The following NADSYN1 variants were observed in gnomAD, a reference collection of about 807,000 sequenced individuals.
The protein encoded by NADSYN1 is NAD synthetase 1.
NADSYN1 carries 80 observed loss-of-function variants against 99.3 expected under a neutral mutation model. That is an observed-to-expected ratio of 0.81 (90% CI 0.67 to 0.97). The LOEUF is 0.97. Among genes scored for constraint, NADSYN1 ranks in the 50% least tolerant of loss-of-function variants. The pLI is 0.00. For missense variants in NADSYN1, 859 were observed against 948.5 expected (o/e 0.91, Z 1.24); for synonymous variants, 385 against 372.1 (o/e 1.03, Z -0.40).
intron 5 of NADSYN1, among the ~76,000 whole-genome samples, chr11:71,470,815 C>T (rs57615441): frequency 0.023 from 3,468 of 152,214 alleles, 101 homozygotes; most frequent in African/African-American, 0.071. Flanking sequence ...TCAGGAACCT[C>T]GATGGCTGGC....
chr11:71,491,427 C>T (rs1378059043), intron 17 of NADSYN1, among the ~76,000 whole-genome samples: 1 of 71,674 alleles, frequency 1.4e-5, no homozygotes, highest in East Asian at 3.6e-4. Flanking sequence ...CATCAGGCAA[C>T]GTCTGCAGAC....
At position 71,491,868 on chromosome 11, in the gene NADSYN1, C is replaced by A. The variant is rs1949781759; in HGVS notation, c.1729C>A (p.Pro577Thr). ...GGCGCCGGCCACCGCAGAGCTGGAG[C>A]CCTTGGCTGATGGACAGGTGTCCCA... Reference protein sequence around the residue: ...LLAPATAELEPLADGQVSQTD... With the variant: ...LLAPATAELETLADGQVSQTD... The change falls in exon 18 of 21, where the codon CCC (proline) becomes ACC (threonine). Residue 577 changes from proline to threonine, a missense_variant. Physicochemically the swap from Pro to Thr is conservative, Grantham distance 38. Transcript: ENST00000319023. 6.2e-7 allele frequency: 1 copy of A among 1,613,960 alleles called. No individual in the cohort carries two copies.
At chr11:71,483,511 G>A (rs1034462216) in intron 14 of NADSYN1, among the ~76,000 whole-genome samples, 2 of 152,134 alleles carry the variant, frequency 1.3e-5, no homozygotes, top group African/African-American at 2.4e-5. Flanking sequence ...CCTCTTCCAC[G>A]GGCAGTTCTC....
intron 3 of NADSYN1, chr11:71,460,251 G>A (rs1325777853): frequency 6.6e-6 from 1 of 152,334 alleles, no homozygotes; most frequent in African/African-American, 2.4e-5. Context: ...CAGTTAGGAT[G>A]GGGACATCTT....
In NADSYN1 at chr11:71,482,713, G is replaced by A; in HGVS notation, c.1151-136G>A. Reference sequence around the variant, plus strand: ...GGCACCTGGGGGTGTAGACCGGGGTGGAGCCGCACAGGCACCTGGGGGTGT... The same window carrying A: ...GGCACCTGGGGGTGTAGACCGGGGTAGAGCCGCACAGGCACCTGGGGGTGT... On this transcript the variant is annotated intron_variant, in intron 13 of 20. Transcript: ENST00000319023. 5.9e-6 allele frequency: 5 copies of A among 850,324 alleles called. No individual in the cohort carries two copies. In the South Asian group the frequency reaches 8.6e-5, roughly 15 times the overall value. The allele number at this position is 850,324 out of a possible 1,614,324, so 52.7% of individuals were successfully genotyped here. A position where few individuals can be genotyped will look rare whatever the true frequency, so the allele number is the denominator to read the frequency against.
At chr11:71,469,125 G>A (rs1007447025) in intron 5 of NADSYN1, among the ~76,000 whole-genome samples, 20 of 151,608 alleles carry the variant, frequency 1.3e-4, no homozygotes, top group African/African-American at 4.3e-4. Context: ...TATTTCCATG[G>A]AAGAGCAAAA....
chr11:71,464,316 A>G (rs959359074), intron 5 of NADSYN1, 174 bp downstream of exon 5: 1 of 570,402 alleles, frequency 1.8e-6, no homozygotes, highest in Non-Finnish European at 3.0e-6. Context: ...AAGCAACCAA[A>G]GGAGAGAGTG....
At chr11:71,493,926 T>A (rs749268487) in intron 18 of NADSYN1, among the ~76,000 whole-genome samples, 1 of 151,622 alleles carries the variant, frequency 6.6e-6, no homozygotes, top group Non-Finnish European at 1.5e-5. Flanking sequence ...AGGTCAGGAG[T>A]TCCAAGACCA....
At position 71,460,457 on chromosome 11, in the gene NADSYN1, C is replaced by T. The variant is rs1204246140; in HGVS notation, c.263+1913C>T. Among the ~76,000 whole-genome samples the T allele has an allele frequency of 2.0e-5, 3 of 152,198 alleles. No individual in the cohort carries two copies. In the East Asian group the frequency reaches 5.8e-4, roughly 29 times the overall value. On this transcript the variant is annotated intron_variant, in intron 3 of 20. Transcript: ENST00000319023. Reference sequence around the variant, plus strand: ...CCTCGACCTCCTGGGCTTGAGTGATCCGTCCATCTCAGCCTCCTGAGTACC... The same window carrying T: ...CCTCGACCTCCTGGGCTTGAGTGATTCGTCCATCTCAGCCTCCTGAGTACC...
At chr11:71,465,684 C>T (rs147296484) in intron 5 of NADSYN1, among the ~76,000 whole-genome samples, 59 of 152,224 alleles carry the variant, frequency 3.9e-4, no homozygotes, top group African/African-American at 1.2e-3. Context: ...TAAAATGCCC[C>T]GGTTGAGAAA....
At chr11:71,494,061 A>G (rs1949803050) in intron 18 of NADSYN1, among the ~76,000 whole-genome samples, 1 of 152,224 alleles carries the variant, frequency 6.6e-6, no homozygotes, top group Non-Finnish European at 1.5e-5. Flanking sequence ...TTATTGAAGG[A>G]AGAAAAATAT....
At chr11:71,501,276 G>C in intron 20 of NADSYN1, 26 bp from the exon 21 acceptor site, 5 of 1,542,740 alleles carry the variant, frequency 3.2e-6, no homozygotes, top group Non-Finnish European at 4.4e-6. Context: ...TTGCGGGGCT[G>C]TGGTGTCACA....
intron 20 of NADSYN1, 145 bp downstream of exon 20, chr11:71,498,673 T>A: frequency 2.3e-6 from 2 of 875,124 alleles, no homozygotes; most frequent in Non-Finnish European, 3.4e-6. Context: ...CAAGTATGTT[T>A]AAAGCGTTTT....
intron 5 of NADSYN1, among the ~76,000 whole-genome samples, chr11:71,466,341 CCCCTTT>C (rs1949589439): frequency 6.6e-6 from 1 of 152,236 alleles, no homozygotes; most frequent in South Asian, 2.1e-4. Context: ...CTCAAGACCA[CCCCTTT>C]CCCTGTCCCC....
Position 71,497,587 on chromosome 11 carries a change from G to T in NADSYN1, c.1869G>T (p.Trp623Cys). ...TGTTCTGCAAACTCCTCGGCATGTGGAGACACATCTGCACCCCGAGACAGG... is the reference window on the plus strand; with the variant it reads ...TGTTCTGCAAACTCCTCGGCATGTGTAGACACATCTGCACCCCGAGACAGG... ...YSMFCKLLGM[W>C]RHICTPRQVA... Residue 623 changes from tryptophan (W) to cysteine (C), a missense_variant, in exon 19 of 21, where the codon TGG (tryptophan) becomes TGT (cysteine). Trp to Cys is a radical substitution (Grantham distance 215, BLOSUM62 -2). Transcript: ENST00000319023. 6.2e-7 allele frequency: 1 copy of T among 1,614,178 alleles called. No individual in the cohort carries two copies. Among genetic ancestry groups the T allele is most frequent in the Non-Finnish European group, 8.5e-7 (1 of 1,180,048 alleles).
intron 1 of NADSYN1, among the ~76,000 whole-genome samples, chr11:71,453,600 A>G (rs1353914741): frequency 1.3e-5 from 2 of 152,142 alleles, no homozygotes; most frequent in African/African-American, 4.8e-5. Flanking sequence ...AGCGATATAC[A>G]AGGCACGGTT....
chr11:71,483,120 C>T (rs980651776), intron 14 of NADSYN1, 103 bp downstream of exon 14: 71 of 1,380,906 alleles, frequency 5.1e-5, no homozygotes, highest in Middle Eastern at 2.6e-4. Context: ...TCATTCATTC[C>T]GCATCGTGTC....
chr11:71,459,243 G>C (rs1307327554), intron 3 of NADSYN1, among the ~76,000 whole-genome samples: 2 of 150,006 alleles, frequency 1.3e-5, no homozygotes, highest in African/African-American at 4.9e-5. Flanking sequence ...CCCTATGGAG[G>C]CCTCTGCATG....
chr11:71,463,307 G>T (rs1210624135), intron 3 of NADSYN1, 125 bp from the exon 4 acceptor site: 4 of 848,524 alleles, frequency 4.7e-6, no homozygotes, highest in South Asian at 1.6e-5. Context: ...GCAGTTCTCC[G>T]AAGGGATCGG....
Sources: allele counts gnomAD v4.1 joint callset (sites outside exome capture counted in the v4.1 genomes callset), GRCh38; gene constraint gnomAD v4.1.1; transcripts MANE v1.5; gene names NCBI Gene and HGNC (gene_info 2026-07-23, HGNC 2026-07-21).